Variants in NXPE4 observed in about 807,000 individuals in gnomAD.
NXPE4 encodes NXPE family member 4.
A neutral mutation model predicts 33.3 loss-of-function variants in NXPE4; 42 were observed. That is an observed-to-expected ratio of 1.26 (90% confidence interval 0.98 to 1.63). The LOEUF is 1.63. Ranked by LOEUF, NXPE4 falls within the 40% of genes most tolerant of loss-of-function variation. The pLI is 0.00. For synonymous variants in NXPE4, 253 were observed against 234.9 expected, an observed-to-expected ratio of 1.08 and a Z score of -0.71; for missense variants, 709 against 647.6, an observed-to-expected ratio of 1.09 and a Z score of -1.03.
chr11:114,579,997 C>G (rs1385261744), intron 5 of NXPE4, 135 bp downstream of exon 5: 4 of 714,142 alleles, frequency 5.6e-6, no homozygotes, highest in African/African-American at 5.3e-5. Flanking sequence ...GATAACAATG[C>G]CTTGTGAAAA....
chr11:114,611,992 G>T, the NXPE4 span, among the ~76,000 whole-genome samples: 4 of 151,558 alleles, frequency 2.6e-5, no homozygotes, highest in Non-Finnish European at 4.4e-5. Flanking sequence ...CAGTTACCCA[G>T]TGGATAATAA....
the NXPE4 span, among the ~76,000 whole-genome samples, chr11:114,633,161 T>C: frequency 8.6e-4 from 111 of 128,914 alleles, 1 homozygote; most frequent in Admixed American, 7.6e-3. Context: ...TTTGGTATTT[T>C]ATTTTATATA....
At chr11:114,635,838 T>G in the NXPE4 span, among the ~76,000 whole-genome samples, 1 of 152,102 alleles carries the variant, frequency 6.6e-6, no homozygotes, top group South Asian at 2.1e-4. Context: ...GTGGATAAGC[T>G]TTTTGATGTG....
the NXPE4 span, among the ~76,000 whole-genome samples, chr11:114,626,950 G>A: frequency 2.0e-5 from 3 of 151,998 alleles, no homozygotes; most frequent in East Asian, 5.8e-4. Context: ...GAAATGAAGT[G>A]AGAAGGGAAG....
chr11:114,574,862 C>T (rs1948962640), intron 5 of NXPE4, among the ~76,000 whole-genome samples: 1 of 152,168 alleles, frequency 6.6e-6, no homozygotes, highest in African/African-American at 2.4e-5. Flanking sequence ...CATCCTAATA[C>T]CTCAACCAGG....
intron 5 of NXPE4, among the ~76,000 whole-genome samples, chr11:114,572,556 G>C (rs1948914520): frequency 6.6e-6 from 1 of 152,126 alleles, no homozygotes; most frequent in Admixed American, 6.6e-5. Flanking sequence ...GATACACTTA[G>C]AGAAATGCAA....
the NXPE4 span, among the ~76,000 whole-genome samples, chr11:114,646,546 T>C: frequency 1.3e-5 from 2 of 152,034 alleles, no homozygotes; most frequent in Non-Finnish European, 2.9e-5. Context: ...ATTATAAAAG[T>C]GAGTTATCAT....
At chr11:114,616,543 C>G in the NXPE4 span, among the ~76,000 whole-genome samples, 1 of 151,466 alleles carries the variant, frequency 6.6e-6, no homozygotes, top group Non-Finnish European at 1.5e-5. Flanking sequence ...CATTGTTACC[C>G]AGTGGATAAA....
At chr11:114,586,205 A>G (rs1949293849) in intron 2 of NXPE4, among the ~76,000 whole-genome samples, 1 of 152,172 alleles carries the variant, frequency 6.6e-6, no homozygotes, top group African/African-American at 2.4e-5. Context: ...TCTCTACAGA[A>G]GAGAGCTTTT....
Position 114,570,864 on chromosome 11 carries a change from C to T in NXPE4, c.*74G>A. ...CTAGTTGGGAATTCAGAGCCAAACA[C>T]AGCATCTGGCCTGCTAGTAGACAGT... On this transcript the variant is annotated 3_prime_UTR_variant, in exon 6 of 6. Coordinates refer to ENST00000375478, the MANE Select transcript of NXPE4 (RefSeq NM_001077639.2). The T allele has an allele frequency of 9.5e-7, 1 of 1,055,524 alleles. No individual in the cohort carries two copies. The highest frequency in any genetic ancestry group is 1.4e-6 in the Non-Finnish European group (1 of 737,166). 65.4% of individuals were successfully genotyped at this position (1,055,524 alleles called of 1,614,324 possible).
upstream of NXPE4, among the ~76,000 whole-genome samples, chr11:114,596,826 A>G (rs1031461613): frequency 6.6e-6 from 1 of 152,170 alleles, no homozygotes; most frequent in Non-Finnish European, 1.5e-5. Context: ...GGTCACATAG[A>G]TTTTGAAATC....
chr11:114,647,436 T>C, the NXPE4 span, among the ~76,000 whole-genome samples: 1 of 152,196 alleles, frequency 6.6e-6, no homozygotes, highest in South Asian at 2.1e-4. Flanking sequence ...TATCTAAATC[T>C]ATCTAGTGCT....
At chr11:114,608,518 T>C in the NXPE4 span, among the ~76,000 whole-genome samples, 9 of 152,048 alleles carry the variant, frequency 5.9e-5, no homozygotes, top group African/African-American at 9.6e-5. Context: ...TGTTGCCTCG[T>C]GGGTAAGCAC....
At chr11:114,655,596 G>A in the NXPE4 span, among the ~76,000 whole-genome samples, 1 of 152,126 alleles carries the variant, frequency 6.6e-6, no homozygotes, top group East Asian at 1.9e-4. Flanking sequence ...TTTCCCCATT[G>A]CTTGTTTTTG....
chr11:114,575,205 G>A (rs1291491048), intron 5 of NXPE4, among the ~76,000 whole-genome samples: 1 of 152,006 alleles, frequency 6.6e-6, no homozygotes, highest in African/African-American at 2.4e-5. Context: ...GGTAATAGAA[G>A]CCATCTACAA....
the NXPE4 span, among the ~76,000 whole-genome samples, chr11:114,602,676 A>G: frequency 7.1e-6 from 1 of 141,814 alleles, no homozygotes; most frequent in East Asian, 2.1e-4. Flanking sequence ...TTACAGAATC[A>G]TATGTAATAA....
the NXPE4 span, among the ~76,000 whole-genome samples, chr11:114,613,354 G>A: frequency 3.3e-5 from 5 of 151,700 alleles, no homozygotes; most frequent in African/African-American, 1.2e-4. Flanking sequence ...ACTGCCTCGT[G>A]GATAACCACG....
the NXPE4 span, among the ~76,000 whole-genome samples, chr11:114,626,064 G>C: frequency 6.6e-6 from 1 of 152,192 alleles, no homozygotes; most frequent in African/African-American, 2.4e-5. Context: ...ACAGCAGTCT[G>C]AGATCAAACT....
At chr11:114,592,605 T>C (rs973275694) in intron 2 of NXPE4, among the ~76,000 whole-genome samples, 1 of 151,934 alleles carries the variant, frequency 6.6e-6, no homozygotes, top group Non-Finnish European at 1.5e-5. Context: ...TTCAGACTAC[T>C]AAAAGCAATC....
Sources: allele counts gnomAD v4.1 joint callset (sites outside exome capture counted in the v4.1 genomes callset), GRCh38; gene constraint gnomAD v4.1.1; transcripts MANE v1.5; gene names NCBI Gene and HGNC (gene_info 2026-07-23, HGNC 2026-07-21).